SH3PXD2A: variants seen among roughly 807,000 people sequenced by gnomAD.
SH3PXD2A encodes the protein SH3 and PX domain-containing protein 2A.
In SH3PXD2A, 32 loss-of-function variants were observed where a neutral mutation model predicts 115.2. The observed-to-expected ratio is 0.28, with a 90% CI of 0.21 to 0.37. SH3PXD2A has a LOEUF of 0.37. Among genes scored for constraint, SH3PXD2A ranks in the 10% least tolerant of loss-of-function variants. SH3PXD2A has a pLI of 1.00. For synonymous variants in SH3PXD2A, 610 were observed against 629.1 expected (o/e 0.97, Z 0.45); for missense variants, 1,328 against 1,498.7 (o/e 0.89, Z 1.88).
Position 103,627,302 on chromosome 10 carries a change from G to A in SH3PXD2A, c.605-100C>T, listed in dbSNP as rs988815112. ...GGATGGAAGGAGAGGCACAAGAAGC[G>A]GAGCATGGAGCCAGATGGCCTGGGG... On this transcript the variant is annotated intron_variant, in intron 8 of 14. Coordinates refer to ENST00000369774, the MANE Select transcript of SH3PXD2A (RefSeq NM_001394015.1). This position sits in a 1 kb window ranked among gnomAD's most constrained non-coding sequence, Gnocchi z 4.4. The A allele has an allele frequency of 4.2e-6, 3 of 707,460 alleles. No individual in the cohort carries two copies. Among genetic ancestry groups the A allele is most frequent in the African/African-American group, 3.5e-5 (2 of 57,066 alleles). The allele number at this position is 707,460 out of a possible 1,614,324, so 43.8% of individuals were successfully genotyped here.
intron 10 of SH3PXD2A, among the ~76,000 whole-genome samples, chr10:103,621,228 T>C (rs2036598699): frequency 6.6e-6 from 1 of 152,160 alleles, no homozygotes; most frequent in South Asian, 2.1e-4. Flanking sequence ...ATCCGTGCCA[T>C]GCATTTCCAG....
chr10:103,633,727 C>CA (rs35917262), intron 8 of SH3PXD2A, among the ~76,000 whole-genome samples: 1,140 of 74,302 alleles, frequency 0.015, 102 homozygotes, highest in Non-Finnish European at 0.023. Context: ...GATTCTGTCT[C>CA]AAAAAAAAAA....
chr10:103,767,145 T>C lies in SH3PXD2A; in HGVS notation c.178A>G (p.Ile60Val). 1 of 1,614,014 alleles carries C rather than the reference T, an allele frequency of 6.2e-7. No homozygotes were observed. The highest frequency in any genetic ancestry group is 8.5e-7 in the Non-Finnish European group (1 of 1,179,906). Residue 60 changes from isoleucine to valine, a missense_variant, in exon 3 of 15, where the codon ATT becomes GTT. Physicochemically the swap from Ile to Val is conservative, Grantham distance 29. This residue lies in a region of SH3PXD2A where 110 missense variants were observed against 160.0 expected (regional missense o/e 0.69). Coordinates refer to ENST00000369774, the MANE Select transcript of SH3PXD2A (RefSeq NM_001394015.1). ...TTGGGGTCCTTCTGGCCACCTTCAA[T>C]GGGAAACTTATCCAAAAGCTGCATC... is the stretch of plus-strand genomic sequence containing the variant. ...LQMQLLDKFP[I>V]EGGQKDPKQR...
At chr10:103,779,892 C>T (rs566728928) in intron 2 of SH3PXD2A, among the ~76,000 whole-genome samples, 1 of 152,340 alleles carries the variant, frequency 6.6e-6, no homozygotes, top group South Asian at 2.1e-4. Flanking sequence ...TGACACTTTT[C>T]TCTCTCACAC....
At chr10:103,761,397 C>A (rs1286872646) in intron 3 of SH3PXD2A, among the ~76,000 whole-genome samples, 3 of 151,886 alleles carry the variant, frequency 2.0e-5, no homozygotes, top group African/African-American at 4.8e-5. Context: ...CTAATTATTT[C>A]AAAATAAAAA....
intron 2 of SH3PXD2A, among the ~76,000 whole-genome samples, chr10:103,774,646 T>C (rs2038861061): frequency 6.6e-6 from 1 of 152,232 alleles, no homozygotes. Context: ...GTTATTTTTC[T>C]CTGAAAAGTG....
Position 103,603,074 on chromosome 10 carries a change from C to T in SH3PXD2A, c.2144G>A (p.Ser715Asn). Residue 715 changes from serine to asparagine, a missense_variant, in exon 15 of 15, where the codon AGT becomes AAT. Coordinates refer to ENST00000369774, the MANE Select transcript of SH3PXD2A (RefSeq NM_001394015.1). ...SSSSSSLSKT[S>N]GDLKPRSASD... ...AGCAGAGCGGGGCTTCAGGTCGCCA[C>T]TGGTTTTGGACAAGGAAGAGGAGGA... The T allele has an allele frequency of 1.2e-6, 2 of 1,613,606 alleles. No individual in the cohort carries two copies. Among genetic ancestry groups the T allele is most frequent in the Non-Finnish European group, 1.7e-6 (2 of 1,180,032 alleles).
At chr10:103,637,370 C>T (rs1399054988) in intron 8 of SH3PXD2A, among the ~76,000 whole-genome samples, 1 of 152,186 alleles carries the variant, frequency 6.6e-6, no homozygotes, top group Non-Finnish European at 1.5e-5. Flanking sequence ...TCCTTCACAT[C>T]TGGCTTAACA....
intron 13 of SH3PXD2A, chr10:103,610,009 G>A (rs1174779371): frequency 2.6e-5 from 4 of 152,234 alleles, no homozygotes; most frequent in Non-Finnish European, 2.9e-5. Flanking sequence ...TGGGCCCAGC[G>A]AGGGGCATAG....
chr10:103,624,175 T>A (rs1366071101), intron 9 of SH3PXD2A, among the ~76,000 whole-genome samples: 1 of 152,226 alleles, frequency 6.6e-6, no homozygotes, highest in Non-Finnish European at 1.5e-5. Context: ...TGCTGCCCCT[T>A]GGGCTGCCAA....
intron 10 of SH3PXD2A, 21 bp from the exon 11 acceptor site, chr10:103,617,335 G>C (rs567552387): frequency 6.4e-7 from 1 of 1,565,564 alleles, no homozygotes; most frequent in African/African-American, 1.4e-5. Flanking sequence ...GAGCAAGCAA[G>C]CAAGATTATT....
At chr10:103,792,266 T>C (rs1441924887) in intron 2 of SH3PXD2A, among the ~76,000 whole-genome samples, 1 of 152,264 alleles carries the variant, frequency 6.6e-6, no homozygotes, top group Non-Finnish European at 1.5e-5. Context: ...AATAGGTTTG[T>C]AGTTAAACTT....
At chr10:103,634,545 C>T (rs184925057) in intron 8 of SH3PXD2A, among the ~76,000 whole-genome samples, 170 of 152,278 alleles carry the variant, frequency 1.1e-3, no homozygotes, top group Non-Finnish European at 1.5e-3. Flanking sequence ...CCACTGTCAG[C>T]GGATAAGGTA....
intron 8 of SH3PXD2A, among the ~76,000 whole-genome samples, chr10:103,628,047 G>A (rs574807900): frequency 1.1e-4 from 16 of 152,288 alleles, no homozygotes; most frequent in African/African-American, 3.4e-4. Flanking sequence ...TGGAGGCCCC[G>A]TCACCATCCA....
In SH3PXD2A at chr10:103,603,797, AC is replaced by A; in HGVS notation, c.1429-9del. 1 of 1,584,370 alleles carries A rather than the reference AC, an allele frequency of 6.3e-7. No homozygotes were observed. The highest frequency in any genetic ancestry group is 8.5e-7 in the Non-Finnish European group (1 of 1,170,146). Reference sequence around the variant, plus strand: ...TGAGTTCTTATCAATGACCTGGGGTACGAGTGCAGACAAGCCAGTGAGTTGG... The same window carrying A: ...TGAGTTCTTATCAATGACCTGGGGTAGAGTGCAGACAAGCCAGTGAGTTGG... On this transcript the variant is annotated splice_polypyrimidine_tract_variant and intron_variant, in intron 14 of 14. Transcript: ENST00000369774.
At chr10:103,606,685 C>G (rs954182456) in intron 13 of SH3PXD2A, among the ~76,000 whole-genome samples, 1 of 152,050 alleles carries the variant, frequency 6.6e-6, no homozygotes, top group African/African-American at 2.4e-5. Flanking sequence ...TTGGTGGAGA[C>G]GGGGTTTCGC....
At chr10:103,823,720 GT>G (rs2039402913) in intron 1 of SH3PXD2A, among the ~76,000 whole-genome samples, 1 of 152,220 alleles carries the variant, frequency 6.6e-6, no homozygotes, top group South Asian at 2.1e-4. Flanking sequence ...CCTGTGTTTT[GT>G]CCCTGCCTCA....
rs1198786617 is a variant in SH3PXD2A, at chr10:103,661,993, T to C, written c.473-879A>G. On this transcript the variant is annotated intron_variant, in intron 7 of 14. Coordinates refer to ENST00000369774, the MANE Select transcript of SH3PXD2A (RefSeq NM_001394015.1). ...GCCACCGAGCCCAGGCCGGGTACAG[T>C]CGGACCAGCCTCAGGCCTGCCCCCA... 4 of 981,606 alleles carry C rather than the reference T, an allele frequency of 4.1e-6. No individual in the cohort carries two copies. The East Asian group carries it at 3.5e-4, about 85-fold the overall frequency. 60.8% of individuals were successfully genotyped at this position (981,606 alleles called of 1,614,324 possible). A position where few individuals can be genotyped will look rare whatever the true frequency, so the allele number is the denominator to read the frequency against.
intron 5 of SH3PXD2A, among the ~76,000 whole-genome samples, chr10:103,699,595 G>A (rs1213437942): frequency 1.3e-5 from 2 of 152,222 alleles, no homozygotes; most frequent in East Asian, 3.8e-4. Context: ...GGTCACTGAG[G>A]TCTGGAGAGT....
Sources: gnomAD v4.1 joint callset for allele counts (sites outside exome capture counted in the v4.1 genomes callset) on GRCh38, gnomAD v4.1.1 for gene constraint, gnomAD v4.1.1 regional missense constraint, Gnocchi (gnomAD v3.1) non-coding constraint, MANE v1.5 for transcripts, NCBI Gene and HGNC (gene_info 2026-07-23, HGNC 2026-07-21) for gene names.